SECISBP2: variants seen among roughly 807,000 people sequenced by gnomAD.
SECISBP2 encodes SECIS binding protein 2, also known as selenocysteine insertion sequence-binding protein 2.
In SECISBP2, 96 loss-of-function variants were observed where a neutral mutation model predicts 98.2. The ratio of observed to expected loss-of-function variants is 0.98; its 90% confidence interval spans 0.83 to 1.16. The LOEUF (loss-of-function observed/expected upper bound fraction) is 1.16. SECISBP2 is among the 50% of genes most tolerant of loss of function. SECISBP2 has a pLI of 0.00. For synonymous variants in SECISBP2, 407 were observed against 370.2 expected (o/e 1.10, Z -1.14); for missense variants, 1,046 against 1,022.9 (o/e 1.02, Z -0.31).
At chr9:89,333,642 T>C (rs1828128250) in intron 6 of SECISBP2, among the ~76,000 whole-genome samples, 1 of 152,150 alleles carries the variant, frequency 6.6e-6, no homozygotes, top group Admixed American at 6.5e-5. Flanking sequence ...CCAGAACGGT[T>C]TTAACTCCAT....
intron 5 of SECISBP2, among the ~76,000 whole-genome samples, chr9:89,332,321 A>G (rs1429913693): frequency 2.0e-5 from 3 of 152,174 alleles, no homozygotes; most frequent in African/African-American, 7.2e-5. Context: ...TTGACATGTC[A>G]TCATCACCCA....
intron 2 of SECISBP2, chr9:89,324,514 A>G (rs1044977291): frequency 1.3e-5 from 2 of 152,226 alleles, no homozygotes; most frequent in Non-Finnish European, 2.9e-5. Flanking sequence ...TTTCTTATTC[A>G]GTGTAGTCTG....
intron 2 of SECISBP2, chr9:89,324,744 G>C (rs1826397604): frequency 6.6e-6 from 1 of 152,630 alleles, no homozygotes; most frequent in African/African-American, 2.4e-5. Context: ...CAGTTGCTTA[G>C]CATTTTGTCA....
chr9:89,357,486 A>T lies in SECISBP2; in HGVS notation c.2189A>T (p.Asn730Ile). 6.2e-7 allele frequency: 1 copy of T among 1,614,222 alleles called. No individual in the cohort carries two copies. Among genetic ancestry groups the T allele is most frequent in the Non-Finnish European group, 8.5e-7 (1 of 1,180,040 alleles). Residue 730 changes from asparagine (N) to isoleucine (I), a missense_variant, in exon 15 of 17, where the codon AAC becomes ATC. Coordinates refer to ENST00000375807, the MANE Select transcript of SECISBP2 (RefSeq NM_024077.5). ...EQNIPFVFAL[N>I]RKALGRSLNK... ...AACATTCCCTTTGTGTTTGCTCTCA[A>T]CCGCAAAGCTCTGGGGCGCAGTTTG...
the SECISBP2 span, chr9:89,365,784 C>G: frequency 6.6e-6 from 1 of 152,212 alleles, no homozygotes; most frequent in Non-Finnish European, 1.5e-5. Flanking sequence ...CCTCCCTGGG[C>G]AGGACAGTAG....
chr9:89,358,983 G>A lies in SECISBP2; in HGVS notation c.*159G>A, dbSNP rs899721431. On this transcript the variant is annotated 3_prime_UTR_variant, in exon 17 of 17. Coordinates refer to ENST00000375807, the MANE Select transcript of SECISBP2 (RefSeq NM_024077.5). The stretch of plus-strand genomic sequence containing the variant: ...GGCACATGAAGCAGTGTCTGCAGGC[G>A]TTCAGTGCTGCGGAGCCTGTTAAAG... 7.6e-6 allele frequency: 5 copies of A among 655,782 alleles called. No individual in the cohort carries two copies. Among genetic ancestry groups the A allele is most frequent in the Admixed American group, 4.5e-5 (2 of 44,708 alleles). The allele number at this position is 655,782 out of a possible 1,614,324, so 40.6% of individuals were successfully genotyped here. A position where few individuals can be genotyped will look rare whatever the true frequency, so the allele number is the denominator to read the frequency against.
chr9:89,318,691 G>T, intron 1 of SECISBP2, 79 bp downstream of exon 1: 1 of 1,326,906 alleles, frequency 7.5e-7, no homozygotes, highest in Non-Finnish European at 9.7e-7. Flanking sequence ...GGGCGGTGAC[G>T]GGGCTGGTCC....
At chr9:89,340,108 G>C (rs530603564) in intron 9 of SECISBP2, among the ~76,000 whole-genome samples, 155 bp downstream of exon 9, 3 of 152,140 alleles carry the variant, frequency 2.0e-5, no homozygotes, top group Admixed American at 2.0e-4. Context: ...CCAGCATGTT[G>C]AAACAGAATT....
Position 89,319,614 on chromosome 9 carries a change from C to T in SECISBP2, c.37-38C>T, listed in dbSNP as rs771524479. 5.0e-6 allele frequency: 8 copies of T among 1,612,464 alleles called. No homozygotes were observed. The Admixed American group carries it at 1.0e-4, about 20-fold the overall frequency. On this transcript the variant is annotated intron_variant, in intron 1 of 16. Coordinates refer to ENST00000375807, the MANE Select transcript of SECISBP2 (RefSeq NM_024077.5). ...TTGTTTGTTTATATTTGCTTGATCT[C>T]TGAATGTTTGTGGCCAAAACCTCAT...
downstream of SECISBP2, chr9:89,364,117 G>A: frequency 7.1e-7 from 1 of 1,418,374 alleles, no homozygotes. Flanking sequence ...CTTCCCCATG[G>A]CCAGCGGGAG....
downstream of SECISBP2, chr9:89,363,823 C>G: frequency 6.2e-7 from 1 of 1,614,168 alleles, no homozygotes; most frequent in Non-Finnish European, 8.5e-7. Context: ...CAGCGCTTTC[C>G]CTGATGGCGT....
At chr9:89,331,082 T>C (rs1827679720) in intron 5 of SECISBP2, among the ~76,000 whole-genome samples, 1 of 152,140 alleles carries the variant, frequency 6.6e-6, no homozygotes, top group Non-Finnish European at 1.5e-5. Context: ...TGACAAAAAA[T>C]ATATATATTT....
At chr9:89,363,523 C>T (rs1833084727), downstream of SECISBP2, 3 of 1,614,042 alleles carry the variant, frequency 1.9e-6, no homozygotes, top group East Asian at 6.7e-5. Context: ...CCTGGTGGGT[C>T]ACTTCTGGAA....
chr9:89,325,435 T>C lies in SECISBP2; in HGVS notation c.191T>C (p.Ile64Thr). Residue 64 changes from isoleucine to threonine, a missense_variant, in exon 3 of 17, where the codon ATA (isoleucine) becomes ACA (threonine). Ile to Thr is a moderately conservative substitution (Grantham distance 89, BLOSUM62 -1). Coordinates refer to ENST00000375807, the MANE Select transcript of SECISBP2 (RefSeq NM_024077.5). ...VQEPPVTEQK[I>T]YTEDMAFGAS... ...TTACACTTTTTACTTAGGCAGAAAA[T>C]ATATACTGAAGACATGGCCTTTGGA... 6.2e-7 allele frequency: 1 copy of C among 1,613,974 alleles called. No individual in the cohort carries two copies. The highest frequency in any genetic ancestry group is 1.1e-5 in the South Asian group (1 of 91,086).
chr9:89,358,341 AT>A, intron 16 of SECISBP2, 150 bp downstream of exon 16: 1 of 822,188 alleles, frequency 1.2e-6, no homozygotes, highest in Admixed American at 2.0e-5. Context: ...AAGAGGTATT[AT>A]CAGACTTTTG....
At chr9:89,342,220 C>T (rs1829757607) in intron 10 of SECISBP2, among the ~76,000 whole-genome samples, 1 of 152,152 alleles carries the variant, frequency 6.6e-6, no homozygotes, top group Non-Finnish European at 1.5e-5. Context: ...AAATATTAAT[C>T]AAAAGTACAG....
At chr9:89,325,172 G>A (rs1312731303) in intron 2 of SECISBP2, 6 of 488,366 alleles carry the variant, frequency 1.2e-5, no homozygotes, top group Non-Finnish European at 2.2e-5. Context: ...AAAAGCTGCT[G>A]GAGCATCTTC....
chr9:89,342,226 T>C (rs1829757999), intron 10 of SECISBP2, among the ~76,000 whole-genome samples: 1 of 152,164 alleles, frequency 6.6e-6, no homozygotes, highest in Admixed American at 6.5e-5. Context: ...TAATCAAAAG[T>C]ACAGTGAAAT....
chr9:89,353,186 T>C (rs996423521), intron 14 of SECISBP2, among the ~76,000 whole-genome samples: 2 of 152,186 alleles, frequency 1.3e-5, no homozygotes, highest in Non-Finnish European at 2.9e-5. Flanking sequence ...GTAGGTCCAG[T>C]GGGCCCAAGA....
Sources: gnomAD v4.1 joint callset for allele counts (sites outside exome capture counted in the v4.1 genomes callset) on GRCh38, gnomAD v4.1.1 for gene constraint, MANE v1.5 for transcripts, NCBI Gene and HGNC (gene_info 2026-07-23, HGNC 2026-07-21) for gene names.